Variants in LOXL4 observed in about 807,000 individuals in gnomAD.
The protein encoded by LOXL4 is lysyl oxidase homolog 4.
A neutral mutation model predicts 89.1 loss-of-function variants in LOXL4; 72 were observed. The ratio of observed to expected loss-of-function variants is 0.81; its 90% CI spans 0.67 to 0.98. The LOEUF (loss-of-function observed/expected upper bound fraction) is 0.98. LOXL4 is among the 50% of genes least tolerant of loss of function. The pLI is 0.00. For synonymous variants in LOXL4, 355 were observed against 392.1 expected, an observed-to-expected ratio of 0.91 and a Z score of 1.12; for missense variants, 984 against 1,017.5, an observed-to-expected ratio of 0.97 and a Z score of 0.45.
At chr10:98,266,853 T>A (rs1230982023) in intron 1 of LOXL4, among the ~76,000 whole-genome samples, 1 of 152,128 alleles carries the variant, frequency 6.6e-6, no homozygotes, top group Admixed American at 6.5e-5. Flanking sequence ...AAGCACATTG[T>A]GTGTTTGCTT....
chr10:98,256,817 C>T lies in LOXL4; in HGVS notation c.1391G>A (p.Arg464Gln), dbSNP rs558093031. Residue 464 changes from arginine to glutamine, a missense_variant, in exon 9 of 15, where the codon CGA (arginine) becomes CAA (glutamine). Coordinates refer to ENST00000260702, the MANE Select transcript of LOXL4 (RefSeq NM_032211.7). ...WGLTEAMVAC[R>Q]QLGLGFAIHA... is the part of the protein sequence containing the mutation. Reference sequence around the variant, plus strand: ...GATGGCAAAACCCAGGCCGAGCTGTCGGCAGGCCACCATGGCTTCGGTGAG... The same window carrying T: ...GATGGCAAAACCCAGGCCGAGCTGTTGGCAGGCCACCATGGCTTCGGTGAG... The T allele has an allele frequency of 4.7e-5, 76 of 1,614,162 alleles. 2 individuals carry two copies. The South Asian group carries it at 5.5e-4, about 12-fold the overall frequency.
chr10:98,259,510 T>G (rs1858480433), intron 4 of LOXL4, 81 bp from the exon 5 acceptor site: 1 of 1,238,596 alleles, frequency 8.1e-7, no homozygotes, highest in African/African-American at 1.5e-5. Context: ...ATAGTTGTCC[T>G]TAAGTTTGCA....
intron 9 of LOXL4, chr10:98,256,216 CT>C (rs1467334722): frequency 5.6e-6 from 1 of 177,594 alleles, no homozygotes; most frequent in African/African-American, 2.4e-5. Context: ...TATTTTAGAT[CT>C]ATCCACTTAT....
At chr10:98,255,527 G>A (rs1858332316) in intron 10 of LOXL4, 50 bp downstream of exon 10, 1 of 1,556,546 alleles carries the variant, frequency 6.4e-7, no homozygotes, top group African/African-American at 1.4e-5. Context: ...CTCCCTGAAG[G>A]GGAGCACAGG....
At chr10:98,264,105 T>C (rs935650324) in intron 1 of LOXL4, among the ~76,000 whole-genome samples, 7 of 151,852 alleles carry the variant, frequency 4.6e-5, no homozygotes, top group Admixed American at 6.6e-5. Flanking sequence ...GGATACCCTG[T>C]GATAGCCTCA....
At chr10:98,257,601 C>G (rs954382647) in intron 8 of LOXL4, 49 bp downstream of exon 8, 2 of 1,588,016 alleles carry the variant, frequency 1.3e-6, no homozygotes, top group East Asian at 2.2e-5. Context: ...GGGGACTCCC[C>G]AGGGTTTCCC....
intron 6 of LOXL4, 70 bp from the exon 7 acceptor site, chr10:98,258,234 G>A: frequency 6.8e-7 from 1 of 1,473,298 alleles, no homozygotes; most frequent in Middle Eastern, 2.1e-4. Context: ...CCCCACAGCG[G>A]GATCCCCAAC....
In LOXL4 at chr10:98,251,186, A is replaced by C; in HGVS notation, c.2089-10T>G. ...GGGGGTTCACAATCACCTAGAGTGA[A>C]AGAGGGGACAACTGAAAATGGGTGA... is the stretch of plus-strand genomic sequence containing the variant. On this transcript the variant is annotated splice_polypyrimidine_tract_variant and intron_variant, in intron 13 of 14. Coordinates refer to ENST00000260702, the MANE Select transcript of LOXL4 (RefSeq NM_032211.7). 1 of 1,590,064 alleles carries C rather than the reference A, an allele frequency of 6.3e-7. No homozygotes were observed. The highest frequency in any genetic ancestry group is 8.6e-7 in the Non-Finnish European group (1 of 1,158,530).
At position 98,262,196 on chromosome 10, in the gene LOXL4, T is replaced by C. The variant is rs754957803; in HGVS notation, c.295A>G (p.Asn99Asp). 5.6e-6 allele frequency: 9 copies of C among 1,613,672 alleles called. No homozygotes were observed. The highest frequency in any genetic ancestry group is 3.3e-5 in the South Asian group (3 of 91,070). The part of the protein sequence containing the change: ...GQGEGPIWLD[N>D]VRCVGTESSL... ...CTCTCTGTGCCCACACAGCGCACAT[T>C]GTCCAGCCAGATGGGTCCTGTGGAG... Residue 99 changes from asparagine (N) to aspartate (D), a missense_variant, in exon 3 of 15, where the codon AAT becomes GAT. Physicochemically the swap from Asn to Asp is conservative, Grantham distance 23 (BLOSUM62 1). Transcript: ENST00000260702.
At chr10:98,265,856 C>G (rs1284888508) in intron 1 of LOXL4, among the ~76,000 whole-genome samples, 1 of 152,150 alleles carries the variant, frequency 6.6e-6, no homozygotes, top group Non-Finnish European at 1.5e-5. Flanking sequence ...CTAGATTTGC[C>G]CCTTTTCCCT....
intron 2 of LOXL4, 81 bp downstream of exon 2, chr10:98,262,662 A>T (rs778922030): frequency 2.6e-6 from 4 of 1,521,880 alleles, no homozygotes; most frequent in Non-Finnish European, 3.6e-6. Context: ...GTATTAAAGG[A>T]TGGGTGGGTG....
In LOXL4 at chr10:98,252,454, A is replaced by G. The variant is rs764429110; in HGVS notation, c.1850T>C (p.Ile617Thr). ...WHQCHRHYHS[I>T]EVFTHYDLLT... ...GAGGTCGTAGTGGGTGAAGACCTCA[A>G]TGCTGTGGTAATGCCTGCAGAAGGG... Residue 617 changes from isoleucine (I) to threonine (T), a missense_variant, in exon 12 of 15, where the codon ATT becomes ACT. Ile to Thr is a moderately conservative substitution (Grantham distance 89). Coordinates refer to ENST00000260702, the MANE Select transcript of LOXL4 (RefSeq NM_032211.7). 16 of 1,612,928 alleles carry G rather than the reference A, an allele frequency of 9.9e-6. No individual in the cohort carries two copies. Among genetic ancestry groups the G allele is most frequent in the African/African-American group, 4.0e-5 (3 of 74,894 alleles).
chr10:98,261,498 A>G (rs538813272), intron 3 of LOXL4, among the ~76,000 whole-genome samples: 1 of 152,304 alleles, frequency 6.6e-6, no homozygotes, highest in South Asian at 2.1e-4. Flanking sequence ...TGAGATGGGC[A>G]TAGACCAGCT....
chr10:98,267,974 C>A (rs1858720388), intron 1 of LOXL4, among the ~76,000 whole-genome samples, 158 bp downstream of exon 1: 1 of 152,170 alleles, frequency 6.6e-6, no homozygotes, highest in Non-Finnish European at 1.5e-5. Context: ...TGGTGAGCGA[C>A]TGGAGGGCCG....
At chr10:98,252,200 A>G (rs1201329596) in intron 12 of LOXL4, 153 bp downstream of exon 12, 1 of 638,208 alleles carries the variant, frequency 1.6e-6, no homozygotes. Context: ...AAGATTTCAG[A>G]AGGTAAGAAA....
rs1412806716 is a variant in LOXL4, at chr10:98,248,783, A to G, written c.*138T>C. On this transcript the variant is annotated 3_prime_UTR_variant, in exon 15 of 15. Transcript: ENST00000260702. ...ATCTGGATTGGTGATCTTGCCATCA[A>G]AAGGCTTCCTGAGCAGGTTCTTGGT... 1.1e-5 allele frequency: 8 copies of G among 733,520 alleles called. No individual in the cohort carries two copies. Among genetic ancestry groups the G allele is most frequent in the African/African-American group, 1.8e-5 (1 of 56,436 alleles). 45.4% of individuals were successfully genotyped at this position (733,520 alleles called of 1,614,324 possible). A position where few individuals can be genotyped will look rare whatever the true frequency, so the allele number is the denominator to read the frequency against.
Position 98,262,812 on chromosome 10 carries a change from C to A in LOXL4, c.208G>T (p.Ala70Ser). 6.2e-7 allele frequency: 1 copy of A among 1,613,688 alleles called. No homozygotes were observed. Among genetic ancestry groups the A allele is most frequent in the Non-Finnish European group, 8.5e-7 (1 of 1,180,046 alleles). The change falls in exon 2 of 15, where the codon GCT becomes TCT. Residue 70 changes from alanine to serine, a missense_variant. By Grantham distance (99) the Ala-to-Ser change is moderately conservative (BLOSUM62 1). Coordinates refer to ENST00000260702, the MANE Select transcript of LOXL4 (RefSeq NM_032211.7). The part of the protein sequence containing the change: ...DNFAIQEATV[A>S]CRQLGFEAAL... ...GCTTCGAAGCCCAGCTGGCGGCAAG[C>A]CACTGTGGCCTCCTGGATAGCAAAG... is the stretch of plus-strand genomic sequence containing the variant.
chr10:98,252,181 C>T, intron 12 of LOXL4, 172 bp downstream of exon 12: 1 of 594,254 alleles, frequency 1.7e-6, no homozygotes. Context: ...AAGTAAAAAC[C>T]TCCTGCGTAA....
chr10:98,251,744 C>A, intron 12 of LOXL4, 42 bp from the exon 13 acceptor site: 2 of 1,608,874 alleles, frequency 1.2e-6, no homozygotes, highest in South Asian at 1.1e-5. Context: ...CAGGACGAAG[C>A]ACTCTGCTAG....
Sources: gnomAD v4.1 joint callset for allele counts (sites outside exome capture counted in the v4.1 genomes callset) on GRCh38, gnomAD v4.1.1 for gene constraint, MANE v1.5 for transcripts, NCBI Gene and HGNC (gene_info 2026-07-23, HGNC 2026-07-21) for gene names.